Variants in UPF2 observed in about 807,000 individuals in gnomAD.
UPF2 encodes the protein UPF2 regulator of nonsense mediated mRNA decay.
Under a neutral mutation model 141.4 loss-of-function variants are expected in UPF2, and 17 were observed. The observed-to-expected ratio is 0.12, with a 90% CI of 0.08 to 0.18. The LOEUF is 0.18. Among genes scored for constraint, UPF2 ranks in the 10% least tolerant of loss-of-function variants. The probability of loss-of-function intolerance (pLI) is 1.00; values close to 1 mark genes in which losing one functional copy is unlikely to be tolerated. For synonymous variants in UPF2, 540 were observed against 498.0 expected (o/e 1.08, Z -1.12); for missense variants, 1,152 against 1,515.9 (o/e 0.76, Z 3.99).
chr10:12,037,369 A>G (rs1834649060), intron 1 of UPF2, among the ~76,000 whole-genome samples: 1 of 148,254 alleles, frequency 6.7e-6, no homozygotes, highest in Admixed American at 6.7e-5. Flanking sequence ...GGTATGAGCC[A>G]CTGTGTTTTT....
At chr10:11,938,742 C>G (rs1346120054) in intron 18 of UPF2, among the ~76,000 whole-genome samples, 1 of 149,478 alleles carries the variant, frequency 6.7e-6, no homozygotes, top group Non-Finnish European at 1.5e-5. Context: ...CCTGGCCTGT[C>G]ATTTCTTCAA....
At chr10:12,015,362 T>C (rs1405762521) in intron 3 of UPF2, among the ~76,000 whole-genome samples, 1 of 152,172 alleles carries the variant, frequency 6.6e-6, no homozygotes, top group Non-Finnish European at 1.5e-5. Flanking sequence ...TGTCAAAACT[T>C]TCCCATTTTA....
intron 19 of UPF2, among the ~76,000 whole-genome samples, chr10:11,934,309 G>T (rs1265965109): frequency 6.6e-6 from 1 of 152,184 alleles, no homozygotes; most frequent in Non-Finnish European, 1.5e-5. Flanking sequence ...GCCAAATTTA[G>T]GGCCTGATTT....
At chr10:11,948,798 T>C (rs952018559) in intron 15 of UPF2, among the ~76,000 whole-genome samples, 3 of 152,356 alleles carry the variant, frequency 2.0e-5, no homozygotes, top group Admixed American at 6.5e-5. Flanking sequence ...TAATCTTGTA[T>C]ATCTCAGTCT....
intron 2 of UPF2, among the ~76,000 whole-genome samples, chr10:12,031,547 C>G (rs1207719644): frequency 6.6e-6 from 1 of 152,164 alleles, no homozygotes; most frequent in Non-Finnish European, 1.5e-5. Flanking sequence ...CTTTGTGAAG[C>G]TGAGGTGGGA....
intron 3 of UPF2, among the ~76,000 whole-genome samples, chr10:12,021,238 A>C (rs1009537070): frequency 1.3e-5 from 2 of 152,186 alleles, no homozygotes; most frequent in Non-Finnish European, 2.9e-5. Context: ...GGATCAATTA[A>C]GATCATATAG....
At chr10:11,948,774 T>A (rs1407673342) in intron 15 of UPF2, among the ~76,000 whole-genome samples, 1 of 152,226 alleles carries the variant, frequency 6.6e-6, no homozygotes. Flanking sequence ...TTCTTACAGC[T>A]TTAAATACTT....
chr10:11,933,406 A>C (rs1398087440), intron 19 of UPF2, among the ~76,000 whole-genome samples: 1 of 152,222 alleles, frequency 6.6e-6, no homozygotes, highest in Non-Finnish European at 1.5e-5. Context: ...AAGCACTGAA[A>C]ATTTACTTAA....
chr10:11,929,990 A>T lies in UPF2; in HGVS notation c.3689-5T>A. 6.2e-7 allele frequency: 1 copy of T among 1,614,128 alleles called. No individual in the cohort carries two copies. Among genetic ancestry groups the T allele is most frequent in the Non-Finnish European group, 8.5e-7 (1 of 1,179,980 alleles). On this transcript the variant is annotated splice_polypyrimidine_tract_variant and splice_region_variant and intron_variant, in intron 20 of 21. Coordinates refer to ENST00000357604, the MANE Select transcript of UPF2 (RefSeq NM_015542.4). ...GTGCAAGAGACTGCAACATTTCTGTAATTAGGAGCAAAAAAAGAGAATGCT... is the reference window on the plus strand; with the variant it reads ...GTGCAAGAGACTGCAACATTTCTGTTATTAGGAGCAAAAAAAGAGAATGCT...
intron 4 of UPF2, among the ~76,000 whole-genome samples, chr10:12,005,930 C>T (rs927463655): frequency 4.6e-5 from 7 of 151,844 alleles, no homozygotes; most frequent in African/African-American, 1.7e-4. Context: ...CCAAGGCTGG[C>T]GTGCAGTGAC....
chr10:12,039,815 T>C (rs1834703616), intron 1 of UPF2, among the ~76,000 whole-genome samples: 1 of 152,012 alleles, frequency 6.6e-6, no homozygotes, highest in Non-Finnish European at 1.5e-5. Context: ...AGATGGGGTT[T>C]CTCCATGTTG....
chr10:11,994,975 CAAAAAAAAAAAAAAAAAA>C (rs60922532), intron 8 of UPF2, among the ~76,000 whole-genome samples: 4 of 51,360 alleles, frequency 7.8e-5, no homozygotes, highest in South Asian at 9.9e-4. Context: ...GACTCCATCT[CAAAAAAAAAAAAAAAAAA>C]AAAAAAAAAA....
rs1351843693 is a variant in UPF2, at chr10:11,936,230, C to T, written c.3546+315G>A. 6.6e-6 allele frequency among the ~76,000 whole-genome samples: 1 copy of T among 151,798 alleles called. No homozygotes were observed. The highest frequency in any genetic ancestry group is 2.4e-5 in the African/African-American group (1 of 41,326). The stretch of plus-strand genomic sequence containing the variant: ...ACTAAAAATACAAAAATTAGCCGGG[C>T]GTCATGGTGGACGCCTGTAATCCCA... On this transcript the variant is annotated intron_variant, in intron 19 of 21. Coordinates refer to ENST00000357604, the MANE Select transcript of UPF2 (RefSeq NM_015542.4). This position sits in a 1 kb window ranked among gnomAD's most constrained non-coding sequence, Gnocchi z 6.6.
At chr10:11,929,125 C>T (rs778932216) in intron 21 of UPF2, among the ~76,000 whole-genome samples, 8 of 152,274 alleles carry the variant, frequency 5.3e-5, no homozygotes, top group African/African-American at 7.2e-5. Flanking sequence ...CCAGCCTGGG[C>T]GACAGAGCAA....
At chr10:11,972,427 C>A (rs60125370) in intron 9 of UPF2, among the ~76,000 whole-genome samples, 6,717 of 152,188 alleles carry the variant, frequency 0.044, 471 homozygotes, top group African/African-American at 0.15. Flanking sequence ...TGCATGTGCA[C>A]AATGTGCAGG....
chr10:11,970,968 C>G (rs1352902723), intron 9 of UPF2, among the ~76,000 whole-genome samples: 2 of 151,946 alleles, frequency 1.3e-5, no homozygotes, highest in Non-Finnish European at 2.9e-5. Flanking sequence ...AGTATCACAC[C>G]ATTTTAAGCA....
chr10:12,034,446 CTGAG>C (rs1394961815), intron 2 of UPF2, among the ~76,000 whole-genome samples: 1 of 152,050 alleles, frequency 6.6e-6, no homozygotes, highest in Non-Finnish European at 1.5e-5. Context: ...CTTCAGCCTC[CTGAG>C]TAACTGGGAC....
intron 8 of UPF2, among the ~76,000 whole-genome samples, chr10:11,995,736 T>G (rs1166614930): frequency 1.3e-5 from 2 of 151,976 alleles, no homozygotes; most frequent in African/African-American, 4.8e-5. Context: ...TGAGCTGAGA[T>G]CGCACCACTG....
At chr10:12,038,110 C>A (rs1198386588) in intron 1 of UPF2, among the ~76,000 whole-genome samples, 1 of 152,114 alleles carries the variant, frequency 6.6e-6, no homozygotes, top group South Asian at 2.1e-4. Context: ...GGGCTGGGTG[C>A]GGTGGCTCAT....
Sources: gnomAD v4.1 joint callset for allele counts (sites outside exome capture counted in the v4.1 genomes callset) on GRCh38, gnomAD v4.1.1 for gene constraint, Gnocchi (gnomAD v3.1) non-coding constraint, MANE v1.5 for transcripts, NCBI Gene and HGNC (gene_info 2026-07-23, HGNC 2026-07-21) for gene names.